ARAP1: variants seen among roughly 807,000 people sequenced by gnomAD.
ARAP1 encodes ArfGAP with RhoGAP domain, ankyrin repeat and PH domain 1, also known as arf-GAP with Rho-GAP domain, ANK repeat and PH domain-containing protein 1.
In ARAP1, 76 loss-of-function variants were observed where a neutral mutation model predicts 172.2. That is an observed-to-expected ratio of 0.44 (90% CI 0.37 to 0.53). ARAP1 has a LOEUF of 0.53. ARAP1 is among the 20% of genes least tolerant of loss of function. The pLI is 0.00. For synonymous variants in ARAP1, 804 were observed against 803.3 expected (o/e 1.00, Z -0.01); for missense variants, 1,686 against 1,977.5 (o/e 0.85, Z 2.80).
chr11:72,685,298 G>A lies in ARAP1; in HGVS notation c.*366C>T. The A allele has an allele frequency of 3.2e-6, 1 of 312,444 alleles. No individual in the cohort carries two copies. Among genetic ancestry groups the A allele is most frequent in the East Asian group, 7.1e-5 (1 of 14,174 alleles). The allele number at this position is 312,444 out of a possible 1,614,324, so 19.4% of individuals were successfully genotyped here. On this transcript the variant is annotated 3_prime_UTR_variant, in exon 35 of 35. Transcript: ENST00000393609. The stretch of plus-strand genomic sequence containing the variant: ...TTCTGGAGTTTGTTGGGAGGAGCAG[G>A]GGGCTCCCTTCCGGCAGGGCCCCAG...
rs922383179 is a variant in ARAP1 at position 72,699,883 on chromosome 11, AC to A, written c.2303-332del. Reference sequence around the variant, plus strand: ...TGCCATTCAAGGCCCTGCCAGGTCTACCCCTGCCCGTCTCTCCAGCTGCCTC... The same window carrying A: ...TGCCATTCAAGGCCCTGCCAGGTCTACCCTGCCCGTCTCTCCAGCTGCCTC... On this transcript the variant is annotated intron_variant, in intron 16 of 34. Transcript: ENST00000393609. This position sits in a 1 kb window ranked among gnomAD's most constrained non-coding sequence, Gnocchi z 4.2. 2.8e-6 allele frequency: 1 copy of A among 355,522 alleles called. No homozygotes were observed. The highest frequency in any genetic ancestry group is 2.1e-5 in the African/African-American group (1 of 47,652). 22.0% of individuals were successfully genotyped at this position (355,522 alleles called of 1,614,324 possible). A position where few individuals can be genotyped will look rare whatever the true frequency, so the allele number is the denominator to read the frequency against.
In ARAP1 at chr11:72,695,566, C is replaced by T. The variant is rs764099489; in HGVS notation, c.3483G>A (p.Val1161=). 2 of 1,613,998 alleles carry T rather than the reference C, an allele frequency of 1.2e-6. No individual in the cohort carries two copies. The highest frequency in any genetic ancestry group is 2.7e-5 in the African/African-American group (2 of 74,944). ...EEITAIVKMR[V]AGTASGTQHA... Reference sequence around the variant, plus strand: ...CCTGGGTCCCACTGGCAGTGCCAGCCACGCGCATCTTCACAATGGCAGTGA... The same window carrying T: ...CCTGGGTCCCACTGGCAGTGCCAGCTACGCGCATCTTCACAATGGCAGTGA... The change falls in exon 25 of 35, where the codon GTG becomes GTA. Residue 1161 remains valine, a synonymous_variant. Coordinates refer to ENST00000393609, the MANE Select transcript of ARAP1 (RefSeq NM_001040118.3). The surrounding 1 kb of genome is among the most constrained non-coding windows in gnomAD (Gnocchi z 4.4).
intron 1 of ARAP1, among the ~76,000 whole-genome samples, chr11:72,733,019 G>T (rs1343938307): frequency 6.6e-6 from 1 of 152,096 alleles, no homozygotes; most frequent in South Asian, 2.1e-4. Context: ...ATGGGGAAGA[G>T]GTGGAAGAAG....
chr11:72,720,455 C>T (rs762784188), intron 3 of ARAP1, among the ~76,000 whole-genome samples: 17 of 152,298 alleles, frequency 1.1e-4, no homozygotes, highest in Admixed American at 1.1e-3. Context: ...GGGATGTCCA[C>T]GGTCTGCTTC....
intron 1 of ARAP1, among the ~76,000 whole-genome samples, chr11:72,735,598 A>T (rs1857997036): frequency 6.6e-6 from 1 of 152,162 alleles, no homozygotes; most frequent in African/African-American, 2.4e-5. Context: ...TCCAGCTCAA[A>T]AACAAAAGCA....
Position 72,695,132 on chromosome 11 carries a change from G to A in ARAP1, c.3577-35C>T, listed in dbSNP as rs901514095. On this transcript the variant is annotated intron_variant, in intron 26 of 34. Transcript: ENST00000393609. This position sits in a 1 kb window ranked among gnomAD's most constrained non-coding sequence, Gnocchi z 4.4. ...CCAAGGAGGAGATTAGCCTGCCTGT[G>A]CCTAGCCCCTGCTCTGCCACAACCT... is the stretch of plus-strand genomic sequence containing the variant. 7 of 1,601,230 alleles carry A rather than the reference G, an allele frequency of 4.4e-6. No individual in the cohort carries two copies. In the African/African-American group the frequency reaches 6.7e-5, roughly 15 times the overall value.
At chr11:72,738,294 C>G (rs1472142392) in intron 1 of ARAP1, among the ~76,000 whole-genome samples, 1 of 152,130 alleles carries the variant, frequency 6.6e-6, no homozygotes, top group Non-Finnish European at 1.5e-5. Flanking sequence ...GTCTGCTGAC[C>G]GTGTGGGTGT....
rs374234966 is a variant in ARAP1, at chr11:72,686,076, C to T, written c.4301G>A (p.Arg1434Gln). The T allele has an allele frequency of 1.4e-5, 23 of 1,613,990 alleles. No individual in the cohort carries two copies. The highest frequency in any genetic ancestry group is 8.9e-5 in the East Asian group (4 of 44,900). ...PLRGSENEMR[R>Q]SVAAFTADPL... Reference sequence around the variant, plus strand: ...GTCCGCGGTGAAGGCAGCCACACTCCGGCGCATTTCATTTTCACTACCTCG... The same window carrying T: ...GTCCGCGGTGAAGGCAGCCACACTCTGGCGCATTTCATTTTCACTACCTCG... Residue 1434 changes from arginine to glutamine, a missense_variant, in exon 34 of 35, where the codon CGG (arginine) becomes CAG (glutamine). Transcript: ENST00000393609.
rs144029273 is a variant in ARAP1, at chr11:72,727,299, C to T, written c.-44-127G>A. The T allele has an allele frequency of 4.2e-4, 355 of 836,658 alleles. 1 individual carries two copies. The African/African-American group carries it at 5.6e-3, about 13-fold the overall frequency. 51.8% of individuals were successfully genotyped at this position (836,658 alleles called of 1,614,324 possible). A position where few individuals can be genotyped will look rare whatever the true frequency, so the allele number is the denominator to read the frequency against. On this transcript the variant is annotated intron_variant, in intron 2 of 34. Transcript: ENST00000393609. ...GTCCTGGAGCTTCCTCCCCTGTGCT[C>T]CATGTGCTAAGCAAGGCCAGGTACT...
rs764557523 is a variant in ARAP1 at position 72,712,491 on chromosome 11, C to T, written c.825G>A (p.Gly275=). The T allele has an allele frequency of 6.2e-6, 10 of 1,613,182 alleles. No homozygotes were observed. The highest frequency in any genetic ancestry group is 8.5e-6 in the Non-Finnish European group (10 of 1,179,476). Residue 275 remains glycine, a synonymous_variant, in exon 6 of 35, where the codon GGG becomes GGA. Transcript: ENST00000393609. ...CCTCTTCCTCATCCCCTTGGTCGTC[C>T]CCAGACAGTTCCTCTCCCTCGCTCA... ...SLLSEGEELS[G]DDQGDEEEDD... is the part of the protein sequence containing the mutation.
intron 1 of ARAP1, among the ~76,000 whole-genome samples, chr11:72,742,555 G>A (rs930558268): frequency 1.3e-5 from 2 of 152,142 alleles, no homozygotes; most frequent in Non-Finnish European, 2.9e-5. Flanking sequence ...GGGAGAGGGA[G>A]GCTGAGTGCA....
chr11:72,697,235 T>C (rs368656407), intron 21 of ARAP1, 40 bp from the exon 22 acceptor site: 32 of 1,587,714 alleles, frequency 2.0e-5, no homozygotes, highest in Admixed American at 5.1e-5. Context: ...GCCTGAGGCA[T>C]AGAGTCATGG....
At position 72,685,955 on chromosome 11, in the gene ARAP1, A is replaced by C. The variant is rs1185283200; in HGVS notation, c.4335+87T>G. On this transcript the variant is annotated intron_variant, in intron 34 of 34. Coordinates refer to ENST00000393609, the MANE Select transcript of ARAP1 (RefSeq NM_001040118.3). The stretch of plus-strand genomic sequence containing the variant: ...GGCCGGAGGGCAATCGGGGAGGGCA[A>C]TCAGGGCAATCATCTACTGTGGAGT... 3 of 1,608,952 alleles carry C rather than the reference A, an allele frequency of 1.9e-6. No homozygotes were observed. The East Asian group carries it at 6.7e-5, about 36-fold the overall frequency.
At position 72,723,947 on chromosome 11, in the gene ARAP1, C is replaced by T. The variant is rs540504412; in HGVS notation, c.509+2673G>A. 3.9e-5 allele frequency among the ~76,000 whole-genome samples: 6 copies of T among 152,282 alleles called. No individual in the cohort carries two copies. The East Asian group carries it at 1.2e-3, about 29-fold the overall frequency. On this transcript the variant is annotated intron_variant, in intron 3 of 34. Transcript: ENST00000393609. ...GACAGTGCACAAATAACACAAATGT[C>T]ATGTTCTGCTCAAACAGCACGTGCA...
At chr11:72,744,889 G>C (rs907591912) in intron 1 of ARAP1, among the ~76,000 whole-genome samples, 1 of 152,212 alleles carries the variant, frequency 6.6e-6, no homozygotes, top group African/African-American at 2.4e-5. Flanking sequence ...TGGATCTTCA[G>C]ACTCCCTAGG....
rs1269304233 is a variant in ARAP1 at position 72,731,244 on chromosome 11, GGTTTGGAT to G, written c.-45+1263_-45+1270del. ...ACACAATTTAAGTGCCCTCTGATAT[GGTTTGGAT>G]GTTTGTCCCCTCCAAATTTCATGTT... On this transcript the variant is annotated intron_variant, in intron 2 of 34. Transcript: ENST00000393609. Among the ~76,000 whole-genome samples the G allele has an allele frequency of 2.0e-5, 3 of 152,148 alleles. No individual in the cohort carries two copies. The East Asian group carries it at 5.8e-4, about 29-fold the overall frequency.
At chr11:72,712,764 T>C (rs1442759247) in intron 5 of ARAP1, 196 bp from the exon 6 acceptor site, 2 of 847,388 alleles carry the variant, frequency 2.4e-6, no homozygotes, top group Admixed American at 2.5e-5. Flanking sequence ...GGAGAGCCAG[T>C]GGCAGAAACC....
At chr11:72,694,237 C>T (rs571433964) in intron 27 of ARAP1, among the ~76,000 whole-genome samples, 4 of 151,836 alleles carry the variant, frequency 2.6e-5, no homozygotes, top group Non-Finnish European at 4.4e-5. Flanking sequence ...GAAACCATGG[C>T]CTTCAAAGTG....
chr11:72,695,780 G>A lies in ARAP1; in HGVS notation c.3358C>T (p.Gln1120Ter). Residue 1120 changes from glutamine to a stop codon, truncating the protein, a stop_gained, in exon 24 of 35, where the codon CAG becomes TAG. Transcript: ENST00000393609. LOFTEE classifies it high-confidence loss of function. This position sits in a 1 kb window ranked among gnomAD's most constrained non-coding sequence, Gnocchi z 4.4. ...FGPTLFQTDG[Q>*]DYKAGRVVED... ...ACCACACGGCCAGCCTTGTAGTCCT[G>A]CCCATCTGTCTGGAAGAGCGTGGGC... 1 of 1,614,216 alleles carries A rather than the reference G, an allele frequency of 6.2e-7. No homozygotes were observed. Among genetic ancestry groups the A allele is most frequent in the Non-Finnish European group, 8.5e-7 (1 of 1,180,034 alleles).
Sources: gnomAD v4.1 joint callset for allele counts (sites outside exome capture counted in the v4.1 genomes callset) on GRCh38, gnomAD v4.1.1 for gene constraint, Gnocchi (gnomAD v3.1) non-coding constraint, MANE v1.5 for transcripts, NCBI Gene and HGNC (gene_info 2026-07-23, HGNC 2026-07-21) for gene names.